PRELID2: variants seen among roughly 807,000 people sequenced by gnomAD.
PRELID2 encodes PRELI domain containing 2, also known as PRELI domain-containing protein 2.
Under a neutral mutation model 28.4 loss-of-function variants are expected in PRELID2, and 25 were observed. The ratio of observed to expected loss-of-function variants is 0.88; its 90% confidence interval spans 0.64 to 1.23. PRELID2 has a LOEUF of 1.23. Among genes scored for constraint, PRELID2 ranks in the 50% most tolerant of loss-of-function variants. The probability of loss-of-function intolerance (pLI) is 0.00; values close to 1 mark genes in which losing one functional copy is unlikely to be tolerated. For missense variants in PRELID2, 201 were observed against 214.4 expected (o/e 0.94, Z 0.39); for synonymous variants, 76 against 71.6 (o/e 1.06, Z -0.31).
At chr5:145,426,627 T>C in the PRELID2 span, among the ~76,000 whole-genome samples, 1 of 152,214 alleles carries the variant, frequency 6.6e-6, no homozygotes, top group East Asian at 1.9e-4. Flanking sequence ...CATTCATTAT[T>C]TATTTAATTC....
In PRELID2 at chr5:145,737,426, T is replaced by TTA. The variant is rs398109507; in HGVS notation, n.70+27504_70+27505insTA. 4.9e-3 allele frequency among the ~76,000 whole-genome samples: 723 copies of TTA among 146,358 alleles called. 7 individuals carry two copies. Among genetic ancestry groups the TTA allele is most frequent in the Non-Finnish European group, 7.6e-3 (500 of 65,982 alleles). ...CTAAAATCCCTGGATGTTATTTATT[T>TTA]AAAAAAAAAACAAAAACAAAAAAAA... On this transcript the variant is annotated intron_variant and non_coding_transcript_variant, in intron 1 of 2. Transcript: ENST00000510259.
At chr5:145,483,401 A>C (rs979864184) in intron 1 of PRELID2, among the ~76,000 whole-genome samples, 3 of 152,180 alleles carry the variant, frequency 2.0e-5, no homozygotes, top group Non-Finnish European at 4.4e-5. Context: ...TCTAGACTGC[A>C]TCATTGTCCT....
At chr5:145,614,472 G>T (rs1581003483) in intron 1 of PRELID2, among the ~76,000 whole-genome samples, 1 of 152,160 alleles carries the variant, frequency 6.6e-6, no homozygotes, top group Admixed American at 6.5e-5. Flanking sequence ...ATTTCCATTT[G>T]CTCGTGTTGT....
Position 145,823,101 on chromosome 5 carries a change from C to T in PRELID2, c.109G>A (p.Val37Ile), listed in dbSNP as rs1227037954. The change falls in exon 2 of 7, where the codon GTA becomes ATA. Residue 37 changes from valine (V) to isoleucine (I), a missense_variant. Transcript: ENST00000683046. ...PNPMDKNVIS[V>I]KIMEEKRDES... ...CCTCTTTTTTCCTCCATGATTTTTA[C>T]TGAGATGACATTTTTATCCATGGGG... 1.3e-6 allele frequency: 2 copies of T among 1,535,866 alleles called. No homozygotes were observed. Among genetic ancestry groups the T allele is most frequent in the Non-Finnish European group, 1.8e-6 (2 of 1,109,116 alleles).
intron 1 of PRELID2, among the ~76,000 whole-genome samples, chr5:145,742,164 T>A (rs1430383774): frequency 8.6e-6 from 1 of 116,034 alleles, no homozygotes; most frequent in Non-Finnish European, 1.7e-5. Context: ...ATTATAAATT[T>A]ATTTATTAAT....
intron 1 of PRELID2, among the ~76,000 whole-genome samples, chr5:145,501,357 C>A (rs374189593): frequency 6.6e-6 from 1 of 152,122 alleles, no homozygotes; most frequent in Non-Finnish European, 1.5e-5. Context: ...CTAACTTTTA[C>A]TGTGTATCAA....
At chr5:145,673,082 T>C (rs568120048) in intron 1 of PRELID2, among the ~76,000 whole-genome samples, 7 of 152,162 alleles carry the variant, frequency 4.6e-5, no homozygotes, top group African/African-American at 1.7e-4. Context: ...AGCAAGTCTT[T>C]AGAAGAGAGA....
chr5:145,284,452 A>T, the PRELID2 span, among the ~76,000 whole-genome samples: 1 of 152,192 alleles, frequency 6.6e-6, no homozygotes, highest in Non-Finnish European at 1.5e-5. Flanking sequence ...CCGGGCAAGA[A>T]ATGCTAAACA....
chr5:145,640,393 G>C (rs1327485526), intron 1 of PRELID2, among the ~76,000 whole-genome samples: 19 of 150,994 alleles, frequency 1.3e-4, no homozygotes, highest in African/African-American at 3.9e-4. Flanking sequence ...GGAGAATGGC[G>C]TGAACCCGGG....
chr5:145,249,880 G>A, the PRELID2 span, among the ~76,000 whole-genome samples: 1 of 151,780 alleles, frequency 6.6e-6, no homozygotes, highest in African/African-American at 2.4e-5. Context: ...GGGAGTGGGA[G>A]GGTTCCATTC....
intron 1 of PRELID2, among the ~76,000 whole-genome samples, chr5:145,505,883 T>C (rs1752406673): frequency 6.6e-6 from 1 of 152,130 alleles, no homozygotes; most frequent in African/African-American, 2.4e-5. Flanking sequence ...GTATGTGAAA[T>C]AAGCCAGTCA....
At chr5:145,367,210 T>C in the PRELID2 span, among the ~76,000 whole-genome samples, 5 of 151,950 alleles carry the variant, frequency 3.3e-5, no homozygotes, top group East Asian at 7.7e-4. Context: ...GACCACTCTA[T>C]ATAAAGTTTC....
the PRELID2 span, among the ~76,000 whole-genome samples, chr5:145,405,702 G>GTTT: frequency 6.4e-4 from 35 of 54,536 alleles, no homozygotes; most frequent in South Asian, 1.0e-3. Context: ...CCACATAGTT[G>GTTT]TTTTTTTTTT....
At chr5:145,257,677 T>C in the PRELID2 span, among the ~76,000 whole-genome samples, 5 of 152,172 alleles carry the variant, frequency 3.3e-5, no homozygotes, top group Admixed American at 1.3e-4. Flanking sequence ...ATAAGAAAAC[T>C]GGCATTGTTT....
intron 1 of PRELID2, among the ~76,000 whole-genome samples, chr5:145,718,559 A>G (rs957497014): frequency 2.0e-5 from 3 of 151,948 alleles, no homozygotes; most frequent in African/African-American, 7.2e-5. Flanking sequence ...TATTTGCTCT[A>G]AAATTTACAG....
intron 1 of PRELID2, among the ~76,000 whole-genome samples, chr5:145,503,281 A>G (rs1469239344): frequency 6.6e-6 from 1 of 151,904 alleles, no homozygotes; most frequent in African/African-American, 2.4e-5. Flanking sequence ...CAACTGTAAG[A>G]CTCTCTTTCC....
intron 1 of PRELID2, among the ~76,000 whole-genome samples, chr5:145,557,586 C>T (rs183261181): frequency 6.6e-6 from 1 of 152,266 alleles, no homozygotes; most frequent in East Asian, 1.9e-4. Context: ...GAGGAGATGC[C>T]GCTGGTGGAG....
At chr5:145,391,054 G>T in the PRELID2 span, among the ~76,000 whole-genome samples, 2 of 152,166 alleles carry the variant, frequency 1.3e-5, no homozygotes, top group Non-Finnish European at 2.9e-5. Context: ...GGCTTTGCAG[G>T]GTACAGCCCC....
chr5:145,456,697 G>T, the PRELID2 span, among the ~76,000 whole-genome samples: 31 of 152,264 alleles, frequency 2.0e-4, no homozygotes, highest in African/African-American at 7.0e-4. Flanking sequence ...CACAGTATTT[G>T]TTGAATGAAC....
Sources: gnomAD v4.1 joint callset for allele counts (sites outside exome capture counted in the v4.1 genomes callset) on GRCh38, gnomAD v4.1.1 for gene constraint, MANE v1.5 for transcripts, NCBI Gene and HGNC (gene_info 2026-07-23, HGNC 2026-07-21) for gene names.